Variants in WDPCP observed in about 807,000 individuals in gnomAD.
The protein encoded by WDPCP is WD repeat containing planar cell polarity effector.
A neutral mutation model predicts 93.1 loss-of-function variants in WDPCP; 71 were observed. The observed-to-expected ratio is 0.76, with a 90% CI of 0.63 to 0.93. The LOEUF is 0.93. WDPCP is among the 40% of genes least tolerant of loss of function. The pLI is 0.00. For synonymous variants in WDPCP, 315 were observed against 315.0 expected (o/e 1.00, Z 0.00); for missense variants, 844 against 887.4 (o/e 0.95, Z 0.62).
At chr2:63,205,883 G>A (rs1056141083) in intron 14 of WDPCP, among the ~76,000 whole-genome samples, 5 of 152,138 alleles carry the variant, frequency 3.3e-5, no homozygotes, top group African/African-American at 9.7e-5. Flanking sequence ...TGGTGAAAGC[G>A]GGCATCCTTG....
At chr2:63,398,305 G>T (rs376396350) in intron 10 of WDPCP, among the ~76,000 whole-genome samples, 33 of 152,148 alleles carry the variant, frequency 2.2e-4, no homozygotes, top group African/African-American at 7.9e-4. Flanking sequence ...TATAATTAGG[G>T]CCTCCACTTT....
intron 1 of WDPCP, among the ~76,000 whole-genome samples, chr2:63,517,219 A>T (rs1386351339): frequency 6.6e-6 from 1 of 152,024 alleles, no homozygotes; most frequent in Non-Finnish European, 1.5e-5. Flanking sequence ...TTCCTATAAA[A>T]ATATAACACT....
chr2:63,702,349 G>T (rs912707348), intron 2 of WDPCP, among the ~76,000 whole-genome samples: 5 of 152,048 alleles, frequency 3.3e-5, no homozygotes, highest in Admixed American at 2.0e-4. Flanking sequence ...TAAGGTGATG[G>T]ATCTTCTAAT....
At chr2:63,502,500 T>C (rs74671163) in intron 1 of WDPCP, among the ~76,000 whole-genome samples, 2,457 of 152,324 alleles carry the variant, frequency 0.016, 75 homozygotes, top group African/African-American at 0.056. Context: ...AAGTTTTAAG[T>C]TGTTGCCAAC....
chr2:63,657,510 C>CT (rs1003709868), intron 2 of WDPCP, among the ~76,000 whole-genome samples: 6 of 152,168 alleles, frequency 3.9e-5, no homozygotes, highest in African/African-American at 1.4e-4. Context: ...CGCCCGGCCT[C>CT]TGAGTGATAT....
At chr2:63,486,430 GAATTTA>G in intron 4 of WDPCP, 106 bp downstream of exon 4, 1 of 933,656 alleles carries the variant, frequency 1.1e-6, no homozygotes, top group East Asian at 2.7e-5. Context: ...TAAGTAATAG[GAATTTA>G]AAAAATTTGG....
intron 14 of WDPCP, among the ~76,000 whole-genome samples, chr2:63,208,530 G>T (rs1350494842): frequency 1.3e-5 from 2 of 152,138 alleles, no homozygotes; most frequent in Non-Finnish European, 2.9e-5. Flanking sequence ...CATCTAGAAA[G>T]ATTATTTTGA....
At chr2:63,227,156 A>G (rs1440227896) in intron 14 of WDPCP, among the ~76,000 whole-genome samples, 1 of 151,960 alleles carries the variant, frequency 6.6e-6, no homozygotes, top group Non-Finnish European at 1.5e-5. Flanking sequence ...TATGATAAGC[A>G]ATGTTTTATC....
intron 6 of WDPCP, among the ~76,000 whole-genome samples, chr2:63,455,251 C>A (rs1301939801): frequency 6.6e-6 from 1 of 151,848 alleles, no homozygotes; most frequent in African/African-American, 2.4e-5. Flanking sequence ...AACCTAAAGA[C>A]AATTAACAAT....
intron 17 of WDPCP, among the ~76,000 whole-genome samples, chr2:63,139,170 TAC>T (rs143596446): frequency 0.61 from 91,706 of 149,196 alleles, 30,271 homozygotes; most frequent in Non-Finnish European, 0.75. Flanking sequence ...TATATGTGTA[TAC>T]ACACACACAC....
chr2:63,141,796 C>G (rs1268939873), intron 17 of WDPCP, among the ~76,000 whole-genome samples: 1 of 151,996 alleles, frequency 6.6e-6, no homozygotes, highest in East Asian at 1.9e-4. Flanking sequence ...TTAAAAATAC[C>G]ATTTCGATCT....
At chr2:63,561,016 T>C (rs547680964) in intron 1 of WDPCP, among the ~76,000 whole-genome samples, 1 of 152,348 alleles carries the variant, frequency 6.6e-6, no homozygotes, top group African/African-American at 2.4e-5. Flanking sequence ...GCTAGCCATA[T>C]GCAGAAAAAC....
intron 14 of WDPCP, among the ~76,000 whole-genome samples, chr2:63,241,590 C>T (rs1679863436): frequency 6.6e-6 from 1 of 151,956 alleles, no homozygotes; most frequent in Admixed American, 6.6e-5. Context: ...ACAATGGTAC[C>T]ATGATTTTTA....
intron 1 of WDPCP, among the ~76,000 whole-genome samples, chr2:63,506,248 C>A (rs2106045898): frequency 6.6e-6 from 1 of 151,930 alleles, no homozygotes; most frequent in Middle Eastern, 3.4e-3. Context: ...TACCTTACAA[C>A]CAATAGTAGA....
intron 2 of WDPCP, among the ~76,000 whole-genome samples, chr2:63,775,388 T>C (rs1670287043): frequency 6.6e-6 from 1 of 152,234 alleles, no homozygotes; most frequent in South Asian, 2.1e-4. Context: ...CTTTGAAACT[T>C]ACTGTTGCTG....
chr2:63,176,374 G>A (rs1283729974), intron 14 of WDPCP, among the ~76,000 whole-genome samples: 2 of 152,036 alleles, frequency 1.3e-5, no homozygotes, highest in Non-Finnish European at 2.9e-5. Context: ...GCCCTCTTGA[G>A]TAGCTGGGAC....
chr2:63,517,578 G>C (rs1702634766), intron 1 of WDPCP, among the ~76,000 whole-genome samples: 1 of 152,132 alleles, frequency 6.6e-6, no homozygotes, highest in Non-Finnish European at 1.5e-5. Flanking sequence ...ACTTGTACAA[G>C]TAAAGACTGG....
chr2:63,534,723 A>G (rs993426788), intron 1 of WDPCP, among the ~76,000 whole-genome samples: 4 of 152,198 alleles, frequency 2.6e-5, no homozygotes, highest in Admixed American at 2.0e-4. Flanking sequence ...AAATAATAAC[A>G]GCTATTTATG....
intron 14 of WDPCP, among the ~76,000 whole-genome samples, chr2:63,185,556 G>A (rs1418999937): frequency 6.6e-6 from 1 of 152,158 alleles, no homozygotes; most frequent in East Asian, 1.9e-4. Context: ...GCTGTTTGTA[G>A]TAGCGGTATA....
Sources: allele counts gnomAD v4.1 joint callset (sites outside exome capture counted in the v4.1 genomes callset), GRCh38; gene constraint gnomAD v4.1.1; transcripts MANE v1.5; gene names NCBI Gene and HGNC (gene_info 2026-07-23, HGNC 2026-07-21).